Variants in SLC43A2 observed in about 807,000 individuals in gnomAD.
SLC43A2 encodes the protein large neutral amino acids transporter small subunit 4.
A neutral mutation model predicts 63.2 loss-of-function variants in SLC43A2; 38 were observed. That is an observed-to-expected ratio of 0.60 (90% CI 0.46 to 0.79). SLC43A2 has a LOEUF of 0.79. SLC43A2 is among the 30% of genes least tolerant of loss of function. The probability of loss-of-function intolerance (pLI) is 0.00; values close to 1 mark genes in which losing one functional copy is unlikely to be tolerated. For synonymous variants in SLC43A2, 322 were observed against 331.0 expected (o/e 0.97, Z 0.30); for missense variants, 644 against 756.2 (o/e 0.85, Z 1.74).
intron 4 of SLC43A2, 133 bp downstream of exon 4, chr17:1,614,846 T>A: frequency 1.2e-6 from 1 of 855,312 alleles, no homozygotes; most frequent in Non-Finnish European, 1.9e-6. Context: ...AGTAGAGGCG[T>A]AACAGGTGTC....
At chr17:1,623,927 C>T (rs2151083183) in intron 2 of SLC43A2, among the ~76,000 whole-genome samples, 1 of 152,304 alleles carries the variant, frequency 6.6e-6, no homozygotes, top group South Asian at 2.1e-4. Flanking sequence ...CTCCAGGCTT[C>T]CACCTGAACC....
At chr17:1,619,257 ACAC>A (rs2151078430) in intron 2 of SLC43A2, among the ~76,000 whole-genome samples, 1 of 152,318 alleles carries the variant, frequency 6.6e-6, no homozygotes, top group South Asian at 2.1e-4. Context: ...AGCTGAGATC[ACAC>A]CACTGCACTC....
In SLC43A2 at chr17:1,577,180, CAA is replaced by C. The variant is rs2075947497; in HGVS notation, c.1425-462_1425-461del. On this transcript the variant is annotated intron_variant, in intron 12 of 13. Coordinates refer to ENST00000301335, the MANE Select transcript of SLC43A2 (RefSeq NM_152346.3). This position sits in a 1 kb window ranked among gnomAD's most constrained non-coding sequence, Gnocchi z 4.9. ...CGCCCGGCCCTGCTGGGTGGTTCTG[CAA>C]AGTGTTTCTCTTTGGACCAGCTCCA... 6.6e-6 allele frequency among the ~76,000 whole-genome samples: 1 copy of C among 152,170 alleles called. No homozygotes were observed. Among genetic ancestry groups the C allele is most frequent in the Non-Finnish European group, 1.5e-5 (1 of 68,036 alleles).
chr17:1,591,995 C>T (rs563126264), intron 6 of SLC43A2, among the ~76,000 whole-genome samples: 9 of 152,356 alleles, frequency 5.9e-5, no homozygotes, highest in African/African-American at 1.7e-4. Flanking sequence ...TCATAGTGAT[C>T]GGCCCAGCAG....
At chr17:1,611,583 C>T (rs1907111601) in intron 5 of SLC43A2, among the ~76,000 whole-genome samples, 1 of 146,648 alleles carries the variant, frequency 6.8e-6, no homozygotes, top group African/African-American at 2.5e-5. Flanking sequence ...TGCAGTGAGC[C>T]AAGATTGCGT....
At position 1,606,746 on chromosome 17, in the gene SLC43A2, C is replaced by T. The variant is rs1341020087; in HGVS notation, c.501+6449G>A. Among the ~76,000 whole-genome samples the T allele has an allele frequency of 6.6e-6, 1 of 152,210 alleles. No individual in the cohort carries two copies. The highest frequency in any genetic ancestry group is 1.5e-5 in the Non-Finnish European group (1 of 68,022). On this transcript the variant is annotated intron_variant, in intron 5 of 13. Transcript: ENST00000301335. This position sits in a 1 kb window ranked among gnomAD's most constrained non-coding sequence, Gnocchi z 4.7. The stretch of plus-strand genomic sequence containing the variant: ...TCCCGGGGGAGGCTGAGGATCCACA[C>T]CGTGGGGAGTGCTCTGCCCCCATGG...
intron 5 of SLC43A2, among the ~76,000 whole-genome samples, chr17:1,603,802 C>A (rs1002212520): frequency 3.3e-5 from 5 of 151,898 alleles, no homozygotes; most frequent in Non-Finnish European, 5.9e-5. Context: ...CAAAACAAAA[C>A]AAAACAAAAC....
chr17:1,600,043 C>CA lies in SLC43A2; in HGVS notation c.502-6765dup, dbSNP rs562524209. Among the ~76,000 whole-genome samples the CA allele has an allele frequency of 4.1e-3, 359 of 88,584 alleles. 4 individuals carry two copies. The highest frequency in any genetic ancestry group is 0.037 in the East Asian group (113 of 3,070). The allele number at this position is 88,584 out of a possible 152,430, so 58.1% of individuals were successfully genotyped here. ...TGGGTGACAGAGCAAGACTCCGTCT[C>CA]AAAAAAAAAAAAATCATTTATATTT... On this transcript the variant is annotated intron_variant, in intron 5 of 13. Transcript: ENST00000301335.
chr17:1,615,460 C>A (rs1907507479), intron 3 of SLC43A2, among the ~76,000 whole-genome samples: 1 of 150,462 alleles, frequency 6.6e-6, no homozygotes, highest in Admixed American at 6.7e-5. Flanking sequence ...TTAAGAATGG[C>A]ATAGGGGGCC....
intron 11 of SLC43A2, among the ~76,000 whole-genome samples, chr17:1,580,977 G>A (rs1459984702): frequency 1.3e-5 from 2 of 152,120 alleles, no homozygotes; most frequent in Non-Finnish European, 2.9e-5. Context: ...GTCGCTGTCT[G>A]TGGGAGGCCC....
intron 5 of SLC43A2, among the ~76,000 whole-genome samples, chr17:1,601,857 C>T (rs910697556): frequency 1.4e-5 from 2 of 146,704 alleles, no homozygotes; most frequent in Non-Finnish European, 1.5e-5. Context: ...CCTTCTGCAC[C>T]GCCCTCCCGA....
rs148094489 is a variant in SLC43A2 at position 1,597,259 on chromosome 17, C to T, written c.502-3980G>A. ...GTGGCTCACGCCTGTAATCCCAGCA[C>T]TTTGGGAGGCCGAGGTGGGCAGATC... On this transcript the variant is annotated intron_variant, in intron 5 of 13. Transcript: ENST00000301335. Among the ~76,000 whole-genome samples, 1,089 of 151,832 alleles carry T rather than the reference C, an allele frequency of 7.2e-3. 14 individuals carry two copies. The highest frequency in any genetic ancestry group is 0.025 in the African/African-American group (1,032 of 41,376).
rs2075957794 is a variant in SLC43A2, at chr17:1,577,872, C to T, written c.1424+378G>A. Among the ~76,000 whole-genome samples the T allele has an allele frequency of 1.3e-5, 2 of 152,138 alleles. No homozygotes were observed. Among genetic ancestry groups the T allele is most frequent in the African/African-American group, 2.4e-5 (1 of 41,448 alleles). On this transcript the variant is annotated intron_variant, in intron 12 of 13. Transcript: ENST00000301335. The surrounding 1 kb of genome is among the most constrained non-coding windows in gnomAD (Gnocchi z 4.9). ...CCGTGATGAGGGCAACTGGAACTTC[C>T]GCATTTAGCTTCAGGCAGCCAGAAC...
Position 1,591,126 on chromosome 17 carries a change from C to T in SLC43A2, c.931+143G>A, listed in dbSNP as rs990841920. On this transcript the variant is annotated intron_variant, in intron 8 of 13. Coordinates refer to ENST00000301335, the MANE Select transcript of SLC43A2 (RefSeq NM_152346.3). Reference sequence around the variant, plus strand: ...TGGGTGAAATCAGGCAAATCCCTTTCCCTCCCCCAGGCCTTCCTGAGCGCC... The same window carrying T: ...TGGGTGAAATCAGGCAAATCCCTTTTCCTCCCCCAGGCCTTCCTGAGCGCC... 31 of 1,276,104 alleles carry T rather than the reference C, an allele frequency of 2.4e-5. No individual in the cohort carries two copies. The East Asian group carries it at 7.6e-4, about 31-fold the overall frequency. 79.0% of individuals were successfully genotyped at this position (1,276,104 alleles called of 1,614,324 possible). A position where few individuals can be genotyped will look rare whatever the true frequency, so the allele number is the denominator to read the frequency against.
chr17:1,628,912 C>T (rs1220410317), upstream of SLC43A2: 1 of 152,170 alleles, frequency 6.6e-6, no homozygotes, highest in African/African-American at 2.4e-5. Context: ...CTGAGCGGGG[C>T]TGGAAACAGG....
Position 1,578,668 on chromosome 17 carries a change from CA to C in SLC43A2, c.1351-346del. 1 of 239,950 alleles carries C rather than the reference CA, an allele frequency of 4.2e-6. No homozygotes were observed. The highest frequency in any genetic ancestry group is 8.9e-5 in the East Asian group (1 of 11,186). 14.9% of individuals were successfully genotyped at this position (239,950 alleles called of 1,614,324 possible). ...TCAGCCTTCGGAGTAGCTAGGATTA[CA>C]GGCCCACGCCACCATGCCCGGCTAA... On this transcript the variant is annotated intron_variant, in intron 11 of 13. Transcript: ENST00000301335. This position sits in a 1 kb window ranked among gnomAD's most constrained non-coding sequence, Gnocchi z 6.5.
At position 1,577,879 on chromosome 17, in the gene SLC43A2, A is replaced by G. The variant is rs2075957898; in HGVS notation, c.1424+371T>C. The stretch of plus-strand genomic sequence containing the variant: ...GAGGGCAACTGGAACTTCCGCATTT[A>G]GCTTCAGGCAGCCAGAACCTACCCA... On this transcript the variant is annotated intron_variant, in intron 12 of 13. Coordinates refer to ENST00000301335, the MANE Select transcript of SLC43A2 (RefSeq NM_152346.3). This position sits in a 1 kb window ranked among gnomAD's most constrained non-coding sequence, Gnocchi z 4.9. Among the ~76,000 whole-genome samples, 1 of 152,132 alleles carries G rather than the reference A, an allele frequency of 6.6e-6. No homozygotes were observed. Among genetic ancestry groups the G allele is most frequent in the Non-Finnish European group, 1.5e-5 (1 of 68,022 alleles).
chr17:1,587,257 C>T (rs1397142937), intron 9 of SLC43A2, among the ~76,000 whole-genome samples: 1 of 152,220 alleles, frequency 6.6e-6, no homozygotes, highest in Non-Finnish European at 1.5e-5. Flanking sequence ...TGAATCAGGC[C>T]TGTGACGTTG....
chr17:1,576,528 G>T, intron 13 of SLC43A2, 69 bp downstream of exon 13: 1 of 1,528,024 alleles, frequency 6.5e-7, no homozygotes, highest in Admixed American at 2.0e-5. Flanking sequence ...CCCCGAGGGG[G>T]ACCTTGCAGC....
Sources: gnomAD v4.1 joint callset for allele counts (sites outside exome capture counted in the v4.1 genomes callset) on GRCh38, gnomAD v4.1.1 for gene constraint, Gnocchi (gnomAD v3.1) non-coding constraint, MANE v1.5 for transcripts, NCBI Gene and HGNC (gene_info 2026-07-23, HGNC 2026-07-21) for gene names.